Variants in COBLL1 observed in about 807,000 individuals in gnomAD.
The protein encoded by COBLL1 is cordon-bleu protein-like 1.
COBLL1 carries 50 observed loss-of-function variants against 94.8 expected under a neutral mutation model. The ratio of observed to expected loss-of-function variants is 0.53; its 90% CI spans 0.42 to 0.67. The LOEUF is 0.67. Ranked by LOEUF, COBLL1 falls within the 30% of genes least tolerant of loss-of-function variation. The pLI is 0.00. For missense variants in COBLL1, 1,362 were observed against 1,348.7 expected, an observed-to-expected ratio of 1.01 and a Z score of -0.15; for synonymous variants, 448 against 473.8, an observed-to-expected ratio of 0.95 and a Z score of 0.71.
At chr2:164,720,924 G>A (rs58133528) in intron 7 of COBLL1, among the ~76,000 whole-genome samples, 8,764 of 152,266 alleles carry the variant, frequency 0.058, 320 homozygotes, top group Middle Eastern at 0.095. Flanking sequence ...GATTGGATGA[G>A]ATTTTATAAG....
chr2:164,790,484 G>C (rs1422069685), intron 2 of COBLL1, among the ~76,000 whole-genome samples: 6 of 152,226 alleles, frequency 3.9e-5, no homozygotes, highest in African/African-American at 1.4e-4. Flanking sequence ...TTAAAAGTTT[G>C]GTGATGCTTT....
At chr2:164,727,053 C>A (rs1685753110) in intron 5 of COBLL1, 2 of 929,200 alleles carry the variant, frequency 2.2e-6, no homozygotes, top group African/African-American at 3.4e-5. Context: ...AGCTTAATTT[C>A]AATATATCCA....
At chr2:164,799,019 CAAAAAA>C (rs555113117) in intron 2 of COBLL1, among the ~76,000 whole-genome samples, 2 of 69,838 alleles carry the variant, frequency 2.9e-5, no homozygotes, top group African/African-American at 6.8e-5. Flanking sequence ...GACTCCGTCT[CAAAAAA>C]AAAAAAAAAA....
chr2:164,756,013 T>G (rs1008723749), intron 2 of COBLL1, among the ~76,000 whole-genome samples: 1 of 151,624 alleles, frequency 6.6e-6, no homozygotes, highest in Non-Finnish European at 1.5e-5. Flanking sequence ...CACATACAAA[T>G]GTGTGAGTAT....
intron 2 of COBLL1, among the ~76,000 whole-genome samples, chr2:164,812,192 T>C (rs1684494393): frequency 6.6e-6 from 1 of 152,072 alleles, no homozygotes; most frequent in Non-Finnish European, 1.5e-5. Context: ...CACTGTATTA[T>C]GTACGAAACT....
Position 164,743,853 on chromosome 2 carries a change from G to A in COBLL1, c.64C>T (p.Pro22Ser). The A allele has an allele frequency of 2.6e-6, 4 of 1,550,872 alleles. No individual in the cohort carries two copies. Among genetic ancestry groups the A allele is most frequent in the Non-Finnish European group, 2.6e-6 (3 of 1,144,878 alleles). ...TATTTGGTCTCAGCTGGAGGAAGTG[G>A]TGCCTTGGCTTTTGGTTTTCTCCTA... ...PARRKPKAKA[P>S]LPPAETKYTD... is the part of the protein sequence containing the mutation. The change falls in exon 3 of 14, where the codon CCA becomes TCA. Residue 22 changes from proline to serine, a missense_variant. Pro to Ser is a moderately conservative substitution (Grantham distance 74, BLOSUM62 -1). Transcript: ENST00000652658.
At chr2:164,796,678 T>A in intron 2 of COBLL1, among the ~76,000 whole-genome samples, 2 of 121,784 alleles carry the variant, frequency 1.6e-5, no homozygotes, top group Admixed American at 1.1e-4. Context: ...TAATGGTGGG[T>A]GATGACAGAT....
Position 164,680,227 on chromosome 2 carries a change from A to C in COBLL1, c.*5719T>G, listed in dbSNP as rs1682972984. 6.6e-6 allele frequency: 1 copy of C among 152,236 alleles called. No homozygotes were observed. The highest frequency in any genetic ancestry group is 3.4e-3 in the Middle Eastern group (1 of 292). The allele number at this position is 152,236 out of a possible 1,614,324, so 9.4% of individuals were successfully genotyped here. ...TAATTTATTTATTGACTTTATTATAATTTCAAACATGCAGACAAGTTAAAA... is the reference window on the plus strand; with the variant it reads ...TAATTTATTTATTGACTTTATTATACTTTCAAACATGCAGACAAGTTAAAA... On this transcript the variant is annotated 3_prime_UTR_variant, in exon 14 of 14. Coordinates refer to ENST00000652658, the MANE Select transcript of COBLL1 (RefSeq NM_001365672.2).
In COBLL1 at chr2:164,778,654, TAA is replaced by T. The variant is rs1275716948; in HGVS notation, c.42-34781_42-34780del. Among the ~76,000 whole-genome samples the T allele has an allele frequency of 2.0e-5, 3 of 152,252 alleles. No individual in the cohort carries two copies. In the South Asian group the frequency reaches 6.2e-4, roughly 32 times the overall value. ...TAGGCCATACTGAATTTAGGTTATC[TAA>T]AATCAGTAAAACAGGGCAGTCATAT... On this transcript the variant is annotated intron_variant, in intron 2 of 13. Coordinates refer to ENST00000652658, the MANE Select transcript of COBLL1 (RefSeq NM_001365672.2).
chr2:164,689,361 G>A (rs1265362425), intron 13 of COBLL1, among the ~76,000 whole-genome samples: 1 of 152,028 alleles, frequency 6.6e-6, no homozygotes, highest in East Asian at 1.9e-4. Flanking sequence ...ACTTTCTGAT[G>A]AACAATCTAA....
chr2:164,789,133 A>T (rs149127391), intron 2 of COBLL1, among the ~76,000 whole-genome samples: 137 of 152,138 alleles, frequency 9.0e-4, no homozygotes, highest in Non-Finnish European at 1.4e-3. Flanking sequence ...ACTTAAGCAT[A>T]GGAGTTCAAA....
Position 164,722,279 on chromosome 2 carries a change from A to G in COBLL1, c.792T>C (p.Asn264=), listed in dbSNP as rs1685487486. The change falls in exon 7 of 14, where the codon AAT becomes AAC. Residue 264 remains asparagine, a synonymous_variant. Coordinates refer to ENST00000652658, the MANE Select transcript of COBLL1 (RefSeq NM_001365672.2). ...TASAPATPLV[N]KHRPTFTRSN... ...ACCTTGTAAAAGTTGGGCGGTGCTT[A>G]TTTACTAGAGGGGTTGCAGGGGCAC... is the stretch of plus-strand genomic sequence containing the variant. 1 of 1,613,948 alleles carries G rather than the reference A, an allele frequency of 6.2e-7. No homozygotes were observed. The highest frequency in any genetic ancestry group is 1.3e-5 in the African/African-American group (1 of 74,924).
intron 2 of COBLL1, among the ~76,000 whole-genome samples, chr2:164,771,622 G>A (rs1688207486): frequency 6.6e-6 from 1 of 152,038 alleles, no homozygotes; most frequent in Non-Finnish European, 1.5e-5. Context: ...AAATGGGTCA[G>A]TACAAGGCAC....
intron 2 of COBLL1, among the ~76,000 whole-genome samples, chr2:164,661,399 T>C (rs889088923): frequency 6.6e-6 from 1 of 152,148 alleles, no homozygotes; most frequent in African/African-American, 2.4e-5. Flanking sequence ...TTGAAGTCTT[T>C]CACAATAAAT....
At chr2:164,687,315 G>A in intron 13 of COBLL1, 2 of 647,304 alleles carry the variant, frequency 3.1e-6, no homozygotes, top group East Asian at 2.7e-5. Flanking sequence ...CTTGTCCACA[G>A]GGCCACAACT....
intron 2 of COBLL1, among the ~76,000 whole-genome samples, chr2:164,771,548 G>T (rs1688205007): frequency 6.6e-6 from 1 of 151,840 alleles, no homozygotes; most frequent in African/African-American, 2.4e-5. Flanking sequence ...ATTATAAATG[G>T]GCTTGTCCAT....
At chr2:164,749,293 C>T (rs1687015441) in intron 2 of COBLL1, among the ~76,000 whole-genome samples, 1 of 152,010 alleles carries the variant, frequency 6.6e-6, no homozygotes, top group Admixed American at 6.6e-5. Flanking sequence ...AAGTGCTATA[C>T]AAAAAATATG....
rs546150170 is a variant in COBLL1, at chr2:164,695,150, A to T, written c.2242T>A (p.Trp748Arg). 13 of 1,614,002 alleles carry T rather than the reference A, an allele frequency of 8.1e-6. No homozygotes were observed. In the African/African-American group the frequency reaches 1.7e-4, roughly 22 times the overall value. The change falls in exon 12 of 14, where the codon TGG becomes AGG. Residue 748 changes from tryptophan to arginine, a missense_variant. By Grantham distance (101) the Trp-to-Arg change is moderately radical (BLOSUM62 -3). Transcript: ENST00000652658. ...TTATACTCTATGGTTTCTGATTGCC[A>T]GTCTTTCGATATTTCCAAGGATTTG... ...PPKSLEISKD[W>R]QSETIEYKDD...
At chr2:164,817,337 T>A (rs751756520) in intron 2 of COBLL1, among the ~76,000 whole-genome samples, 9 of 144,254 alleles carry the variant, frequency 6.2e-5, no homozygotes, top group Non-Finnish European at 1.3e-4. Flanking sequence ...CTAAATTCCC[T>A]TATCTGAGTG....
Sources: gnomAD v4.1 joint callset for allele counts (sites outside exome capture counted in the v4.1 genomes callset) on GRCh38, gnomAD v4.1.1 for gene constraint, MANE v1.5 for transcripts, NCBI Gene and HGNC (gene_info 2026-07-23, HGNC 2026-07-21) for gene names.